The following COL4A1 variants were observed in gnomAD, a reference collection of about 807,000 sequenced individuals.
COL4A1 encodes collagen type IV alpha 1 chain, also known as collagen alpha-1(IV) chain.
COL4A1 carries 40 observed loss-of-function variants against 216.6 expected under a neutral mutation model. That is an observed-to-expected ratio of 0.18 (90% CI 0.14 to 0.24). COL4A1 has a LOEUF of 0.24. Among genes scored for constraint, COL4A1 ranks in the 10% least tolerant of loss-of-function variants. The probability of loss-of-function intolerance (pLI) is 1.00; values close to 1 mark genes in which losing one functional copy is unlikely to be tolerated. For synonymous variants in COL4A1, 839 were observed against 810.7 expected (o/e 1.03, Z -0.59); for missense variants, 1,628 against 2,196.8 (o/e 0.74, Z 5.18).
At chr13:110,175,474 C>T (rs1477328802) in intron 36 of COL4A1, 117 bp from the exon 37 acceptor site, 1 of 1,525,864 alleles carries the variant, frequency 6.6e-7, no homozygotes, top group Admixed American at 2.0e-5. Flanking sequence ...TCCCCCACAA[C>T]CAGCCAAGAT....
intron 40 of COL4A1, 58 bp from the exon 41 acceptor site, chr13:110,172,828 T>C (rs1566348645): frequency 1.4e-6 from 2 of 1,419,652 alleles, no homozygotes; most frequent in Non-Finnish European, 2.0e-6. Context: ...CATCTGCAGG[T>C]ACAACACAAA....
chr13:110,285,256 C>T (rs1019772813), intron 1 of COL4A1, among the ~76,000 whole-genome samples: 3 of 152,238 alleles, frequency 2.0e-5, no homozygotes, highest in African/African-American at 7.2e-5. Flanking sequence ...AAACGTGAAT[C>T]TACAATGGTG....
chr13:110,163,636 C>T (rs1158178137), intron 46 of COL4A1, 75 bp from the exon 47 acceptor site: 4 of 1,371,206 alleles, frequency 2.9e-6, no homozygotes, highest in East Asian at 4.9e-5. Flanking sequence ...CTTAAATGTC[C>T]TTTTCAGTGT....
chr13:110,162,408 A>T lies in COL4A1; in HGVS notation c.4284T>A (p.Asp1428Glu), dbSNP rs758730276. ...GGGGCCCCATGGATCCTGGCAACCC[A>T]TCGGGGCCTGGTGGACCTGGAAATC... ...PRGFPGPPGP[D>E]GLPGSMGPPG... Residue 1428 changes from aspartate (D) to glutamate (E), a missense_variant, in exon 48 of 52, where the codon GAT becomes GAA. Coordinates refer to ENST00000375820, the MANE Select transcript of COL4A1 (RefSeq NM_001845.6). 2.3e-5 allele frequency: 37 copies of T among 1,614,112 alleles called. No individual in the cohort carries two copies. The highest frequency in any genetic ancestry group is 2.9e-5 in the Non-Finnish European group (34 of 1,180,036).
At chr13:110,223,811 C>A (rs926351329) in intron 2 of COL4A1, among the ~76,000 whole-genome samples, 3 of 152,154 alleles carry the variant, frequency 2.0e-5, no homozygotes, top group Non-Finnish European at 1.5e-5. Flanking sequence ...CTGGGTGACA[C>A]CCCAAGGATG....
intron 22 of COL4A1, among the ~76,000 whole-genome samples, chr13:110,194,348 C>T (rs1021102329): frequency 6.6e-6 from 1 of 152,176 alleles, no homozygotes; most frequent in Non-Finnish European, 1.5e-5. Context: ...GGGACAGCCT[C>T]CTATTTGTCC....
At chr13:110,201,033 C>T (rs1879167864) in intron 19 of COL4A1, 144 bp from the exon 20 acceptor site, 2 of 834,836 alleles carry the variant, frequency 2.4e-6, no homozygotes, top group African/African-American at 1.7e-5. Context: ...CGGGAGACCA[C>T]CCGAGCCCCC....
chr13:110,212,011 T>C lies in COL4A1; in HGVS notation c.388-89A>G, dbSNP rs1594586122. Reference sequence around the variant, plus strand: ...CGCATGCATCACTCTGCCCTACCCTTCATTTGTTGGTTAAAATCATTTCCT... The same window carrying C: ...CGCATGCATCACTCTGCCCTACCCTCCATTTGTTGGTTAAAATCATTTCCT... On this transcript the variant is annotated intron_variant, in intron 6 of 51. Coordinates refer to ENST00000375820, the MANE Select transcript of COL4A1 (RefSeq NM_001845.6). 2.3e-5 allele frequency: 30 copies of C among 1,294,008 alleles called. No homozygotes were observed. The East Asian group carries it at 6.7e-4, about 29-fold the overall frequency. 80.2% of individuals were successfully genotyped at this position (1,294,008 alleles called of 1,614,324 possible).
intron 21 of COL4A1, among the ~76,000 whole-genome samples, chr13:110,195,693 T>C (rs148775753): frequency 1.7e-4 from 26 of 152,356 alleles, no homozygotes; most frequent in African/African-American, 5.3e-4. Flanking sequence ...CCATCTGTCC[T>C]AGGTTCTAGT....
At chr13:110,252,525 AT>A (rs1882145636) in intron 1 of COL4A1, among the ~76,000 whole-genome samples, 1 of 7,590 alleles carries the variant, frequency 1.3e-4, no homozygotes, top group Non-Finnish European at 6.5e-4. Flanking sequence ...TATACGTATA[AT>A]TATACGTATA....
intron 50 of COL4A1, among the ~76,000 whole-genome samples, 159 bp from the exon 51 acceptor site, chr13:110,152,665 G>A (rs968172987): frequency 5.9e-5 from 9 of 152,252 alleles, no homozygotes; most frequent in Non-Finnish European, 1.0e-4. Flanking sequence ...CCAAATTATC[G>A]GGCTGGCCCG....
At chr13:110,259,043 C>T (rs752341913) in intron 1 of COL4A1, among the ~76,000 whole-genome samples, 20 of 152,220 alleles carry the variant, frequency 1.3e-4, no homozygotes, top group Non-Finnish European at 2.5e-4. Context: ...GACACGGGGC[C>T]GCCCGGTCCC....
rs780020403 is a variant in COL4A1 at position 110,178,146 on chromosome 13, T to C, written c.2544A>G (p.Gln848=). Residue 848 remains glutamine (Q), a synonymous_variant, in exon 32 of 52, where the codon CAA becomes CAG. Coordinates refer to ENST00000375820, the MANE Select transcript of COL4A1 (RefSeq NM_001845.6). The part of the protein sequence containing the change: ...MPGPKGDKGA[Q]GLPGITGQSG... ...ACTGTCCCGTTATGCCAGGGAGTCC[T>C]TGAGCCCCTTTATCTCCTTTAGGGC... 3 of 1,614,204 alleles carry C rather than the reference T, an allele frequency of 1.9e-6. No individual in the cohort carries two copies. The highest frequency in any genetic ancestry group is 3.3e-5 in the Admixed American group (2 of 60,028).
chr13:110,155,167 G>A, intron 50 of COL4A1, 116 bp downstream of exon 50: 2 of 789,962 alleles, frequency 2.5e-6, no homozygotes, highest in South Asian at 2.9e-5. Context: ...GGAAGAAGGA[G>A]GGGCTTAAGC....
chr13:110,269,957 T>C (rs571956079), intron 1 of COL4A1, among the ~76,000 whole-genome samples: 3 of 152,256 alleles, frequency 2.0e-5, no homozygotes, highest in African/African-American at 2.4e-5. Context: ...CCGAAATGGC[T>C]GTGACCTGAT....
At chr13:110,180,802 G>A (rs1240022900) in intron 29 of COL4A1, among the ~76,000 whole-genome samples, 1 of 152,182 alleles carries the variant, frequency 6.6e-6, no homozygotes, top group Non-Finnish European at 1.5e-5. Flanking sequence ...TGGGTGGAAG[G>A]GGGATGCTCT....
intron 1 of COL4A1, among the ~76,000 whole-genome samples, chr13:110,252,504 TATGTATTATATATA>T (rs1882138886): frequency 3.6e-4 from 2 of 5,530 alleles, no homozygotes; most frequent in East Asian, 0.042. Flanking sequence ...TATACGTATA[TATGTATTATATATA>T]CGTATAATTA....
chr13:110,253,814 T>C (rs1354047652), intron 1 of COL4A1, among the ~76,000 whole-genome samples: 11 of 138,710 alleles, frequency 7.9e-5, no homozygotes, highest in African/African-American at 2.8e-4. Flanking sequence ...TGTATAATTA[T>C]ACGTATGTAT....
intron 1 of COL4A1, among the ~76,000 whole-genome samples, chr13:110,255,025 G>A (rs537748996): frequency 1.3e-5 from 2 of 152,310 alleles, no homozygotes; most frequent in East Asian, 3.9e-4. Flanking sequence ...CCCCTACCAC[G>A]CTAAGCCCAT....
Sources: gnomAD v4.1 joint callset for allele counts (sites outside exome capture counted in the v4.1 genomes callset) on GRCh38, gnomAD v4.1.1 for gene constraint, MANE v1.5 for transcripts, NCBI Gene and HGNC (gene_info 2026-07-23, HGNC 2026-07-21) for gene names.